The following SETD1B variants were observed in gnomAD, a reference collection of about 807,000 sequenced individuals.
SETD1B encodes histone-lysine N-methyltransferase SETD1B.
A neutral mutation model predicts 148.0 loss-of-function variants in SETD1B; 7 were observed. That is an observed-to-expected ratio of 0.05 (90% CI 0.03 to 0.09). The LOEUF is 0.09. SETD1B is among the 10% of genes least tolerant of loss of function. The probability of loss-of-function intolerance (pLI) is 1.00; values close to 1 mark genes in which losing one functional copy is unlikely to be tolerated. For missense variants in SETD1B, 2,155 were observed against 2,729.9 expected (o/e 0.79, Z 4.69); for synonymous variants, 1,361 against 1,186.5 (o/e 1.15, Z -3.02).
chr12:121,828,099 CCCCTGCTCCTGCCCCTGG>C (rs749394530), intron 16 of SETD1B, 29 bp downstream of exon 16: 100 of 1,549,028 alleles, frequency 6.5e-5, no homozygotes, highest in Non-Finnish European at 7.9e-5. Context: ...GTGGCCCCTG[CCCCTGCTCCTGCCCCTGG>C]CCCTGCTTCT....
rs1225442260 is a variant in SETD1B at position 121,823,180 on chromosome 12, G to T, written c.4601G>T (p.Gly1534Val). 6.5e-7 allele frequency: 1 copy of T among 1,547,148 alleles called. No homozygotes were observed. Among genetic ancestry groups the T allele is most frequent in the East Asian group, 2.4e-5 (1 of 40,828 alleles). ...RSPPSMLSLD[G>V]PLVRPPAGAA... Reference sequence around the variant, plus strand: ...CCACCATCTATGCTCTCCTTGGATGGGCCCTTGGTCCGACCACCAGCAGGG... The same window carrying T: ...CCACCATCTATGCTCTCCTTGGATGTGCCCTTGGTCCGACCACCAGCAGGG... The change falls in exon 12 of 17, where the codon GGG becomes GTG. Residue 1534 changes from glycine (G) to valine (V), a missense_variant. Gly to Val is a moderately radical substitution (Grantham distance 109, BLOSUM62 -3). Transcript: ENST00000604567.
At chr12:121,827,473 G>A (rs544145718) in intron 13 of SETD1B, 46 bp from the exon 14 acceptor site, 12 of 1,491,802 alleles carry the variant, frequency 8.0e-6, no homozygotes, top group African/African-American at 5.5e-5. Flanking sequence ...TGGGACCGCC[G>A]AGGACACGGC....
At chr12:121,819,116 T>C (rs1040647968) in intron 10 of SETD1B, among the ~76,000 whole-genome samples, 4 of 151,098 alleles carry the variant, frequency 2.6e-5, no homozygotes, top group Admixed American at 2.0e-4. Flanking sequence ...TGGTGGTGCA[T>C]GCCTGTAATC....
At chr12:121,794,363 C>T in the SETD1B span, 2 of 152,374 alleles carry the variant, frequency 1.3e-5, no homozygotes, top group East Asian at 3.9e-4. Flanking sequence ...GCCTCGGCGC[C>T]GGCCGCTCCG....
chr12:121,816,776 T>C (rs1347722584), intron 7 of SETD1B, among the ~76,000 whole-genome samples: 1 of 152,204 alleles, frequency 6.6e-6, no homozygotes, highest in Non-Finnish European at 1.5e-5. Context: ...GTCTGCAAAG[T>C]GCAAAGGCCA....
the SETD1B span, chr12:121,793,027 G>A: frequency 3.7e-6 from 3 of 802,416 alleles, no homozygotes; most frequent in Non-Finnish European, 6.0e-6. Context: ...CGGCCTCCAG[G>A]AGTGAAGAGC....
Position 121,819,524 on chromosome 12 carries a change from A to T in SETD1B, c.3539A>T (p.Glu1180Val), listed in dbSNP as rs1270125555. Residue 1180 changes from glutamate (E) to valine (V), a missense_variant, in exon 11 of 17, where the codon GAG becomes GTG. By Grantham distance (121) the Glu-to-Val change is moderately radical. Coordinates refer to ENST00000604567, the MANE Select transcript of SETD1B (RefSeq NM_001353345.2). ...SSPSSSEDEE[E>V]VVAREEEEEE... is the part of the protein sequence containing the mutation. ...CCCTCATCCTCGGAGGATGAGGAGG[A>T]GGTAGTGGCCAGGGAAGAGGAGGAA... 1.2e-5 allele frequency: 18 copies of T among 1,552,184 alleles called. No individual in the cohort carries two copies. Among genetic ancestry groups the T allele is most frequent in the Non-Finnish European group, 1.5e-5 (17 of 1,147,184 alleles).
intron 5 of SETD1B, 143 bp from the exon 6 acceptor site, chr12:121,809,460 A>G (rs1875908331): frequency 1.1e-6 from 1 of 914,030 alleles, no homozygotes; most frequent in Admixed American, 3.0e-5. Flanking sequence ...ACTCCTCCTC[A>G]ATCTCCCCCA....
chr12:121,810,049 C>A lies in SETD1B; in HGVS notation c.1104C>A (p.Phe368Leu). 1 of 1,550,282 alleles carries A rather than the reference C, an allele frequency of 6.5e-7. No homozygotes were observed. Among genetic ancestry groups the A allele is most frequent in the South Asian group, 1.2e-5 (1 of 84,066 alleles). The change falls in exon 6 of 17, where the codon TTC becomes TTA. Residue 368 changes from phenylalanine (F) to leucine (L), a missense_variant. Physicochemically the swap from Phe to Leu is conservative, Grantham distance 22. Around this residue, in one of 11 missense-constraint regions of SETD1B, gnomAD observed 376 missense variants for 385.0 expected, o/e 0.98. Transcript: ENST00000604567. The surrounding 1 kb of genome is among the most constrained non-coding windows in gnomAD (Gnocchi z 7.6). The stretch of plus-strand genomic sequence containing the variant: ...CTGGGGGCAGCAGCGGTCCCCCGTT[C>A]AAGGCTCAACCACAGGATTCAGCCA... The part of the protein sequence containing the change: ...GGTGGSSGPP[F>L]KAQPQDSATF...
At chr12:121,801,499 T>C (rs1367901963), upstream of SETD1B, 3 of 152,588 alleles carry the variant, frequency 2.0e-5, no homozygotes, top group Non-Finnish European at 4.4e-5. Flanking sequence ...TCCCAAACAC[T>C]TGCAGCCCTT....
chr12:121,825,091 A>G, intron 12 of SETD1B, 109 bp from the exon 13 acceptor site: 1 of 1,181,554 alleles, frequency 8.5e-7, no homozygotes, highest in East Asian at 2.6e-5. Flanking sequence ...GGGCAGTAGA[A>G]CTGGACATCG....
At position 121,806,099 on chromosome 12, in the gene SETD1B, A is replaced by G. The variant is rs1478900728; in HGVS notation, c.538A>G (p.Thr180Ala). 2.6e-6 allele frequency: 4 copies of G among 1,550,918 alleles called. No individual in the cohort carries two copies. Among genetic ancestry groups the G allele is most frequent in the Non-Finnish European group, 2.6e-6 (3 of 1,146,538 alleles). ...CAACATTATCCACGTGGAGCTGGAC[A>G]CCAAAGGTGAGCCTGGCAGGGGAGG... ...MGNIIHVELD[T>A]KGETRMRFYE... Residue 180 changes from threonine to alanine, a missense_variant, in exon 4 of 17, where the codon ACC becomes GCC. Coordinates refer to ENST00000604567, the MANE Select transcript of SETD1B (RefSeq NM_001353345.2).
Position 121,821,418 on chromosome 12 carries a change from G to A in SETD1B, c.3911-1072G>A, listed in dbSNP as rs1876560311. Among the ~76,000 whole-genome samples the A allele has an allele frequency of 3.3e-5, 5 of 150,256 alleles. No individual in the cohort carries two copies. The South Asian group carries it at 6.3e-4, about 19-fold the overall frequency. The stretch of plus-strand genomic sequence containing the variant: ...TGCCACACTGCACTCCAGCCTGGGC[G>A]ATAGAGTGAGACTGTCTTAAAAAAA... On this transcript the variant is annotated intron_variant, in intron 11 of 16. Transcript: ENST00000604567.
rs372787095 is a variant in SETD1B, at chr12:121,827,500, C to G, written c.5338-19C>G. On this transcript the variant is annotated intron_variant, in intron 13 of 16. Transcript: ENST00000604567. ...GGACACGGCCAGCTCCGCTGAGCCC[C>G]GCACACCGTCCACTGCAGGGCATGA... is the stretch of plus-strand genomic sequence containing the variant. 1 of 1,522,680 alleles carries G rather than the reference C, an allele frequency of 6.6e-7. No individual in the cohort carries two copies. The highest frequency in any genetic ancestry group is 8.8e-7 in the Non-Finnish European group (1 of 1,134,256). The allele number at this position is 1,522,680 out of a possible 1,614,324, so 94.3% of individuals were successfully genotyped here.
rs76168856 is a variant in SETD1B at position 121,814,015 on chromosome 12, G to A, written c.1891-91G>A. On this transcript the variant is annotated intron_variant, in intron 6 of 16. Transcript: ENST00000604567. ...CTTGCACTGGGTCACACAGCTGGGA[G>A]TGCCACTGATTGCTAGTCTTGCAGA... is the stretch of plus-strand genomic sequence containing the variant. The A allele has an allele frequency of 1.2e-3, 1,257 of 1,048,716 alleles. 12 individuals are homozygous for A. In the African/African-American group the frequency reaches 0.017, roughly 15 times the overall value. The allele number at this position is 1,048,716 out of a possible 1,614,324, so 65.0% of individuals were successfully genotyped here.
the SETD1B span, chr12:121,793,128 C>A: frequency 6.5e-7 from 1 of 1,545,920 alleles, no homozygotes; most frequent in Non-Finnish European, 8.7e-7. Context: ...ACCCTCGGGC[C>A]CCCCGGCGCG....
Position 121,823,274 on chromosome 12 carries a change from T to G in SETD1B, c.4695T>G (p.His1565Gln). 1 of 1,549,690 alleles carries G rather than the reference T, an allele frequency of 6.5e-7. No individual in the cohort carries two copies. The highest frequency in any genetic ancestry group is 8.7e-7 in the Non-Finnish European group (1 of 1,146,836). ...AGACCCCCGTCTTCCCCAGCACCCA[T>G]GACCCCCGGACGGTGACCCTGGACT... ...QPQTPVFPST[H>Q]DPRTVTLDFR... is the part of the protein sequence containing the mutation. Residue 1565 changes from histidine (H) to glutamine (Q), a missense_variant, in exon 12 of 17, where the codon CAT becomes CAG. Transcript: ENST00000604567.
chr12:121,819,469 T>C lies in SETD1B; in HGVS notation c.3484T>C (p.Ser1162Pro), dbSNP rs1353379883. 1 of 1,552,018 alleles carries C rather than the reference T, an allele frequency of 6.4e-7. No individual in the cohort carries two copies. Among genetic ancestry groups the C allele is most frequent in the Non-Finnish European group, 8.7e-7 (1 of 1,147,112 alleles). The stretch of plus-strand genomic sequence containing the variant: ...GTCGTCCAGTGAGAGTTCCGAGTCT[T>C]CTGAGTTTGAGTCAAGCTCCGAGTC... ...ATSSSESSESSEFESSSESSP... is the reference protein window; with the variant it reads ...ATSSSESSESPEFESSSESSP... Residue 1162 changes from serine to proline, a missense_variant, in exon 11 of 17, where the codon TCT (serine) becomes CCT (proline). Physicochemically the swap from Ser to Pro is moderately conservative, Grantham distance 74. This residue lies in a region of SETD1B where 862 missense variants were observed against 873.8 expected (regional missense o/e 0.99). Coordinates refer to ENST00000604567, the MANE Select transcript of SETD1B (RefSeq NM_001353345.2).
At position 121,804,684 on chromosome 12, in the gene SETD1B, G is replaced by A; in HGVS notation, c.-14-40G>A. On this transcript the variant is annotated intron_variant, in intron 1 of 16. Transcript: ENST00000604567. The surrounding 1 kb of genome is among the most constrained non-coding windows in gnomAD (Gnocchi z 4.6). ...CGTGTGTGTAGAAGCGGCCGCCGCC[G>A]CCGCCGCGGCGGAGACGACAACAAC... The A allele has an allele frequency of 6.6e-7, 1 of 1,525,510 alleles. No individual in the cohort carries two copies. Among genetic ancestry groups the A allele is most frequent in the Non-Finnish European group, 8.8e-7 (1 of 1,133,946 alleles). The allele number at this position is 1,525,510 out of a possible 1,614,324, so 94.5% of individuals were successfully genotyped here.
Sources: gnomAD v4.1 joint callset for allele counts (sites outside exome capture counted in the v4.1 genomes callset) on GRCh38, gnomAD v4.1.1 for gene constraint, gnomAD v4.1.1 regional missense constraint, Gnocchi (gnomAD v3.1) non-coding constraint, MANE v1.5 for transcripts, NCBI Gene and HGNC (gene_info 2026-07-23, HGNC 2026-07-21) for gene names.